Variants in GCSAML observed in about 807,000 individuals in gnomAD.
GCSAML encodes germinal center associated signaling and motility like.
A neutral mutation model predicts 13.0 loss-of-function variants in GCSAML; 9 were observed. The ratio of observed to expected loss-of-function variants is 0.69; its 90% CI spans 0.42 to 1.21. GCSAML has a LOEUF of 1.21. Ranked by LOEUF, GCSAML falls within the 50% of genes most tolerant of loss-of-function variation. GCSAML has a pLI of 0.00. For missense variants in GCSAML, 143 were observed against 153.4 expected (o/e 0.93, Z 0.36); for synonymous variants, 37 against 52.9 (o/e 0.70, Z 1.31).
rs1306055434 is a variant in GCSAML at position 247,576,472 on chromosome 1, G to A, written c.*2090G>A. ...AGGTAGTAGGATTGTTTGAGACTGG[G>A]AGGTTGAGGCTGAACTGAGCCAGGA... On this transcript the variant is annotated 3_prime_UTR_variant, in exon 5 of 5. Coordinates refer to ENST00000366488, the MANE Select transcript of GCSAML (RefSeq NM_145278.5). The A allele has an allele frequency of 6.6e-6, 1 of 152,134 alleles. No individual in the cohort carries two copies. Among genetic ancestry groups the A allele is most frequent in the Admixed American group, 6.5e-5 (1 of 15,268 alleles). 9.4% of individuals were successfully genotyped at this position (152,134 alleles called of 1,614,324 possible).
chr1:247,556,273 A>G lies in GCSAML; in HGVS notation c.30-134A>G, dbSNP rs1667942619. The G allele has an allele frequency of 1.8e-5, 12 of 649,754 alleles. No homozygotes were observed. The South Asian group carries it at 2.3e-4, about 12-fold the overall frequency. 40.2% of individuals were successfully genotyped at this position (649,754 alleles called of 1,614,324 possible). ...GCATTCTATCTGTGACTGCTTATTG[A>G]TTTTGAAGGAAAGGGAAGTTTGTCA... On this transcript the variant is annotated intron_variant, in intron 1 of 4. Coordinates refer to ENST00000366488, the MANE Select transcript of GCSAML (RefSeq NM_145278.5).
At chr1:247,514,703 G>A (rs1260819453) in intron 1 of GCSAML, among the ~76,000 whole-genome samples, 1 of 152,078 alleles carries the variant, frequency 6.6e-6, no homozygotes, top group Non-Finnish European at 1.5e-5. Context: ...AATTATTCCA[G>A]CACTATTTGT....
chr1:247,556,198 GGGC>G (rs1667938941), intron 1 of GCSAML, among the ~76,000 whole-genome samples: 1 of 152,116 alleles, frequency 6.6e-6, no homozygotes, highest in African/African-American at 2.4e-5. Flanking sequence ...GTCAGACTAT[GGGC>G]ATTCTGTCCC....
At chr1:247,551,038 A>C (rs1477545821) in intron 1 of GCSAML, among the ~76,000 whole-genome samples, 1 of 152,222 alleles carries the variant, frequency 6.6e-6, no homozygotes, top group Non-Finnish European at 1.5e-5. Context: ...CTTTGCTATA[A>C]AATTATGAAT....
chr1:247,563,541 A>C (rs769453108), intron 2 of GCSAML, 49 bp from the exon 3 acceptor site: 1 of 1,136,704 alleles, frequency 8.8e-7, no homozygotes, highest in Admixed American at 2.0e-5. Context: ...AGGCATTTTC[A>C]GCTTTGGAGA....
chr1:247,532,332 C>T (rs1488438895), intron 2 of GCSAML: 1 of 1,613,996 alleles, frequency 6.2e-7, no homozygotes, highest in Non-Finnish European at 8.5e-7. Flanking sequence ...GAAAGAAGTA[C>T]ATAGGTGTGT....
rs12749335 is a variant in GCSAML, at chr1:247,532,876, G to T, written c.-148+5822G>T. The stretch of plus-strand genomic sequence containing the variant: ...GGACTGTATAATAAAAGACTGGGTG[G>T]GGGGTGTTCACTGTCTGGGGAAAAT... On this transcript the variant is annotated intron_variant, in intron 2 of 5. Transcript: ENST00000366489. Among the ~76,000 whole-genome samples the T allele has an allele frequency of 7.1e-5, 4 of 56,608 alleles. No homozygotes were observed. The East Asian group carries it at 2.8e-3, about 39-fold the overall frequency. 37.1% of individuals were successfully genotyped at this position (56,608 alleles called of 152,430 possible).
At position 247,563,094 on chromosome 1, in the gene GCSAML, C is replaced by T. The variant is rs146849004; in HGVS notation, c.90-496C>T. On this transcript the variant is annotated intron_variant, in intron 2 of 4. Transcript: ENST00000366488. The stretch of plus-strand genomic sequence containing the variant: ...CGATCTCCTAACCTCGTGATCTGCC[C>T]GCCTTGGCCTCCCAAAGTGCTGGGA... Among the ~76,000 whole-genome samples the T allele has an allele frequency of 1.3e-3, 203 of 151,922 alleles. 1 individual carries two copies. Among genetic ancestry groups the T allele is most frequent in the African/African-American group, 4.7e-3 (195 of 41,418 alleles).
intron 2 of GCSAML, among the ~76,000 whole-genome samples, chr1:247,539,083 A>T (rs1405239729): frequency 6.6e-6 from 1 of 152,094 alleles, no homozygotes; most frequent in African/African-American, 2.4e-5. Flanking sequence ...GCAGAGAATG[A>T]GTTTATTTAT....
At chr1:247,525,265 AGCT>A (rs1666632725) in intron 1 of GCSAML, 1 of 152,256 alleles carries the variant, frequency 6.6e-6, no homozygotes, top group Non-Finnish European at 1.5e-5. Context: ...GGCAGACACC[AGCT>A]GGGTGTCCTT....
intron 2 of GCSAML, chr1:247,528,421 A>T (rs750927127): frequency 3.9e-5 from 6 of 152,194 alleles, no homozygotes; most frequent in Non-Finnish European, 8.8e-5. Context: ...ACATGCATGA[A>T]CCTAGAAGAC....
At position 247,574,330 on chromosome 1, in the gene GCSAML, G is replaced by A. The variant is rs1362900228; in HGVS notation, c.356G>A (p.Arg119Lys). The A allele has an allele frequency of 6.2e-7, 1 of 1,613,914 alleles. No homozygotes were observed. Among genetic ancestry groups the A allele is most frequent in the Admixed American group, 1.7e-5 (1 of 59,992 alleles). The change falls in exon 5 of 5, where the codon AGG (arginine) becomes AAG (lysine). Residue 119 changes from arginine (R) to lysine (K), a missense_variant. Coordinates refer to ENST00000366488, the MANE Select transcript of GCSAML (RefSeq NM_145278.5). ...GCCCTTCTTAGGACTTCTGTTAGTA[G>A]GCCTTGTTCCTGCACCCATGAGCAT... ...EYALLRTSVSRPCSCTHEHDY... is the reference protein window; with the variant it reads ...EYALLRTSVSKPCSCTHEHDY...
In GCSAML at chr1:247,526,723, A is replaced by G. The variant is rs974173552; in HGVS notation, c.-262-217A>G. 2.8e-6 allele frequency: 1 copy of G among 356,104 alleles called. No individual in the cohort carries two copies. The highest frequency in any genetic ancestry group is 5.5e-6 in the Non-Finnish European group (1 of 183,320). 22.1% of individuals were successfully genotyped at this position (356,104 alleles called of 1,614,324 possible). On this transcript the variant is annotated intron_variant, in intron 1 of 5. Transcript: ENST00000366489. This position sits in a 1 kb window ranked among gnomAD's most constrained non-coding sequence, Gnocchi z 4.8. ...GATGATCCAGGTTTTCTGTCCTGTGAGAAGCCATCAAAGCCTATGGTTGCT... is the reference window on the plus strand; with the variant it reads ...GATGATCCAGGTTTTCTGTCCTGTGGGAAGCCATCAAAGCCTATGGTTGCT...
At chr1:247,525,529 G>A (rs965299808) in intron 1 of GCSAML, 4 of 152,206 alleles carry the variant, frequency 2.6e-5, no homozygotes, top group Admixed American at 6.5e-5. Flanking sequence ...AAAGGATATC[G>A]CAAGAGATGC....
rs549541125 is a variant in GCSAML, at chr1:247,560,832, T to G, written c.90-2758T>G. Among the ~76,000 whole-genome samples, 8 of 152,362 alleles carry G rather than the reference T, an allele frequency of 5.3e-5. No individual in the cohort carries two copies. The South Asian group carries it at 1.7e-3, about 32-fold the overall frequency. ...ACGTTGTCACTGACTATAGTCACCATATCTCAGTGTTCCATGCCATTTGTT... is the reference window on the plus strand; with the variant it reads ...ACGTTGTCACTGACTATAGTCACCAGATCTCAGTGTTCCATGCCATTTGTT... On this transcript the variant is annotated intron_variant, in intron 2 of 4. Coordinates refer to ENST00000366488, the MANE Select transcript of GCSAML (RefSeq NM_145278.5).
chr1:247,563,554 C>T, intron 2 of GCSAML, 36 bp from the exon 3 acceptor site: 1 of 1,339,336 alleles, frequency 7.5e-7, no homozygotes, highest in Non-Finnish European at 1.1e-6. Context: ...TTTGGAGAAC[C>T]TGGAGTATCT....
At chr1:247,518,961 C>T (rs943641643) in intron 1 of GCSAML, among the ~76,000 whole-genome samples, 2 of 152,086 alleles carry the variant, frequency 1.3e-5, no homozygotes, top group African/African-American at 4.8e-5. Context: ...TGCACTCCAG[C>T]CTGGGCAACT....
intron 2 of GCSAML, among the ~76,000 whole-genome samples, chr1:247,534,765 T>C (rs1209982478): frequency 6.6e-6 from 1 of 152,166 alleles, no homozygotes; most frequent in Non-Finnish European, 1.5e-5. Flanking sequence ...TGGAAGTCAA[T>C]TAAACAAAAT....
intron 2 of GCSAML, among the ~76,000 whole-genome samples, chr1:247,535,305 AC>A (rs375145339): frequency 1.3e-5 from 2 of 152,276 alleles, no homozygotes; most frequent in East Asian, 3.9e-4. Flanking sequence ...ACAGAGCAAG[AC>A]CCTGTCTCAA....
Sources: gnomAD v4.1 joint callset for allele counts (sites outside exome capture counted in the v4.1 genomes callset) on GRCh38, gnomAD v4.1.1 for gene constraint, Gnocchi (gnomAD v3.1) non-coding constraint, MANE v1.5 for transcripts, NCBI Gene and HGNC (gene_info 2026-07-23, HGNC 2026-07-21) for gene names.